Variants in PAM observed in about 807,000 individuals in gnomAD.
PAM encodes the protein peptidyl-glycine alpha-amidating monooxygenase.
A neutral mutation model predicts 122.1 loss-of-function variants in PAM; 72 were observed. The ratio of observed to expected loss-of-function variants is 0.59; its 90% CI spans 0.49 to 0.72. PAM has a LOEUF of 0.72. Among genes scored for constraint, PAM ranks in the 30% least tolerant of loss-of-function variants. The pLI is 0.00. For missense variants in PAM, 1,106 were observed against 1,183.7 expected, an observed-to-expected ratio of 0.93 and a Z score of 0.96; for synonymous variants, 389 against 404.4, an observed-to-expected ratio of 0.96 and a Z score of 0.46.
chr5:102,963,996 T>C lies in PAM; in HGVS notation c.1162+2767T>C, dbSNP rs148796535. Reference sequence around the variant, plus strand: ...AAAGAAGAAATGACCTTTACTAAGATAGAAAAAAAAGAAGGAGGGGAGAGA... The same window carrying C: ...AAAGAAGAAATGACCTTTACTAAGACAGAAAAAAAAGAAGGAGGGGAGAGA... On this transcript the variant is annotated intron_variant, in intron 14 of 25. Transcript: ENST00000438793. Among the ~76,000 whole-genome samples, 1,196 of 150,658 alleles carry C rather than the reference T, an allele frequency of 7.9e-3. 22 individuals are homozygous for C. The highest frequency in any genetic ancestry group is 0.027 in the African/African-American group (1,121 of 41,164).
At chr5:102,956,614 C>T (rs1000764360) in intron 12 of PAM, among the ~76,000 whole-genome samples, 1 of 151,996 alleles carries the variant, frequency 6.6e-6, no homozygotes, top group African/African-American at 2.4e-5. Context: ...TAATTGCTGC[C>T]TTTGTCTCCA....
At chr5:102,780,051 T>C (rs1758305417) in intron 1 of PAM, among the ~76,000 whole-genome samples, 1 of 151,644 alleles carries the variant, frequency 6.6e-6, no homozygotes, top group South Asian at 2.1e-4. Flanking sequence ...AGTTTTTAAT[T>C]GTACACCATT....
At chr5:102,961,016 TTCTG>T in intron 13 of PAM, 138 bp from the exon 14 acceptor site, 1 of 397,650 alleles carries the variant, frequency 2.5e-6, no homozygotes, top group Non-Finnish European at 4.8e-6. Flanking sequence ...ATTAGAGCAT[TTCTG>T]TCTTATAAAT....
chr5:102,802,035 G>C (rs533181700), intron 1 of PAM, among the ~76,000 whole-genome samples: 2 of 151,544 alleles, frequency 1.3e-5, no homozygotes, highest in Admixed American at 1.3e-4. Context: ...CACCCGCCTC[G>C]GCCTCCCAAA....
chr5:102,787,691 AG>A (rs1436364280), intron 1 of PAM, among the ~76,000 whole-genome samples: 1 of 151,990 alleles, frequency 6.6e-6, no homozygotes, highest in Non-Finnish European at 1.5e-5. Flanking sequence ...GATACTTCCT[AG>A]GGGACCCGTA....
At chr5:102,820,350 C>G (rs907754024) in intron 1 of PAM, among the ~76,000 whole-genome samples, 3 of 152,118 alleles carry the variant, frequency 2.0e-5, no homozygotes, top group Non-Finnish European at 4.4e-5. Flanking sequence ...TTAAGCCTAA[C>G]ATTAAAATAG....
At chr5:102,833,925 G>T (rs933005167) in intron 1 of PAM, among the ~76,000 whole-genome samples, 1 of 152,062 alleles carries the variant, frequency 6.6e-6, no homozygotes, top group Non-Finnish European at 1.5e-5. Context: ...GTTTGTGGAA[G>T]CAAAATGGAG....
chr5:102,910,838 G>GTTA (rs1284663152), intron 4 of PAM, among the ~76,000 whole-genome samples: 1 of 151,834 alleles, frequency 6.6e-6, no homozygotes, highest in African/African-American at 2.4e-5. Context: ...TTTTTAAGAT[G>GTTA]TTATTCTAAA....
intron 1 of PAM, among the ~76,000 whole-genome samples, chr5:102,816,952 G>T (rs557072963): frequency 6.6e-6 from 1 of 151,908 alleles, no homozygotes; most frequent in Non-Finnish European, 1.5e-5. Context: ...CCAAACTCCT[G>T]GTCATTTCCC....
intron 1 of PAM, among the ~76,000 whole-genome samples, chr5:102,796,317 C>T (rs1022906747): frequency 1.3e-5 from 2 of 152,222 alleles, no homozygotes; most frequent in East Asian, 1.9e-4. Context: ...ACTCATAGAT[C>T]GATCTGTGCC....
At chr5:102,823,456 G>C (rs1772667550) in intron 1 of PAM, among the ~76,000 whole-genome samples, 1 of 152,008 alleles carries the variant, frequency 6.6e-6, no homozygotes, top group South Asian at 2.1e-4. Context: ...TTTCAAATAT[G>C]TGACCATCAC....
chr5:102,762,854 C>A (rs1752769063), intron 1 of PAM, among the ~76,000 whole-genome samples: 1 of 152,120 alleles, frequency 6.6e-6, no homozygotes, highest in African/African-American at 2.4e-5. Context: ...TTACTGTATG[C>A]CTAATCGACC....
chr5:102,842,459 G>C (rs910759149), intron 1 of PAM, among the ~76,000 whole-genome samples: 1 of 152,042 alleles, frequency 6.6e-6, no homozygotes, highest in Non-Finnish European at 1.5e-5. Flanking sequence ...CTCTCTCTTT[G>C]CCTGTCACCA....
intron 5 of PAM, among the ~76,000 whole-genome samples, chr5:102,921,193 A>G (rs1263969549): frequency 1.3e-5 from 2 of 152,122 alleles, no homozygotes; most frequent in Admixed American, 1.3e-4. Context: ...CTAGAATGAT[A>G]AGAAAAAGAA....
intron 1 of PAM, among the ~76,000 whole-genome samples, chr5:102,844,776 G>A (rs1313340638): frequency 6.6e-6 from 1 of 152,118 alleles, no homozygotes; most frequent in Non-Finnish European, 1.5e-5. Flanking sequence ...CTTGTCCAGG[G>A]TTCCACAGCT....
intron 14 of PAM, among the ~76,000 whole-genome samples, chr5:102,967,159 T>C (rs959888530): frequency 3.3e-5 from 5 of 152,120 alleles, no homozygotes; most frequent in Non-Finnish European, 5.9e-5. Flanking sequence ...TCCCTGATAA[T>C]AGAAAAATGT....
chr5:103,002,117 T>G (rs532153792), intron 16 of PAM, among the ~76,000 whole-genome samples: 5 of 152,162 alleles, frequency 3.3e-5, no homozygotes, highest in Admixed American at 2.0e-4. Flanking sequence ...TTTCATACAT[T>G]TACTTCTATA....
chr5:102,982,278 A>T (rs1770167330), intron 15 of PAM, among the ~76,000 whole-genome samples: 1 of 152,090 alleles, frequency 6.6e-6, no homozygotes, highest in South Asian at 2.1e-4. Flanking sequence ...CACTACCACC[A>T]CTGCTGGTGT....
In PAM at chr5:102,829,465, C is replaced by T. The variant is rs545794982; in HGVS notation, c.-373-36358C>T. Among the ~76,000 whole-genome samples, 69 of 151,536 alleles carry T rather than the reference C, an allele frequency of 4.6e-4. 1 individual carries two copies. The highest frequency in any genetic ancestry group is 1.5e-3 in the African/African-American group (64 of 41,346). On this transcript the variant is annotated intron_variant, in intron 1 of 25. Coordinates refer to ENST00000438793, the MANE Select transcript of PAM (RefSeq NM_001177306.2). ...CGGTTCACTGCAAGCTCCGCCTCCC[C>T]GGCTCACACCATTCTCCTGCCTCAG...
Sources: gnomAD v4.1 joint callset for allele counts (sites outside exome capture counted in the v4.1 genomes callset) on GRCh38, gnomAD v4.1.1 for gene constraint, MANE v1.5 for transcripts, NCBI Gene and HGNC (gene_info 2026-07-23, HGNC 2026-07-21) for gene names.